CDH8: variants seen among roughly 807,000 people sequenced by gnomAD.
CDH8 encodes the protein cadherin 8.
A neutral mutation model predicts 68.1 loss-of-function variants in CDH8; 17 were observed. The observed-to-expected ratio is 0.25, with a 90% CI of 0.17 to 0.37. The LOEUF is 0.37. Ranked by LOEUF, CDH8 falls within the 10% of genes least tolerant of loss-of-function variation. CDH8 has a pLI of 1.00. For synonymous variants in CDH8, 372 were observed against 365.1 expected, an observed-to-expected ratio of 1.02 and a Z score of -0.21; for missense variants, 763 against 999.3, an observed-to-expected ratio of 0.76 and a Z score of 3.19.
At chr16:61,686,377 G>T (rs1351808143) in intron 10 of CDH8, among the ~76,000 whole-genome samples, 2 of 151,924 alleles carry the variant, frequency 1.3e-5, no homozygotes, top group African/African-American at 4.8e-5. Context: ...TATCCATTTA[G>T]TTTTGCCTGT....
intron 9 of CDH8, among the ~76,000 whole-genome samples, chr16:61,715,411 C>A (rs1033983639): frequency 6.6e-5 from 10 of 151,510 alleles, no homozygotes; most frequent in Non-Finnish European, 1.2e-4. Flanking sequence ...TCTGAAACTT[C>A]AATTTCTTGT....
chr16:61,768,089 T>C (rs1015429543), intron 8 of CDH8, among the ~76,000 whole-genome samples: 8 of 151,962 alleles, frequency 5.3e-5, no homozygotes, highest in African/African-American at 1.4e-4. Context: ...GTAGCTGTTA[T>C]TATTATGGTT....
intron 4 of CDH8, among the ~76,000 whole-genome samples, chr16:61,832,942 C>A (rs962988871): frequency 2.0e-5 from 3 of 151,606 alleles, no homozygotes; most frequent in Non-Finnish European, 2.9e-5. Flanking sequence ...ATTGTCCCCC[C>A]CTTTTTTCAT....
In CDH8 at chr16:61,783,146, G is replaced by A. The variant is rs1375385657; in HGVS notation, c.1414+6200C>T. Among the ~76,000 whole-genome samples, 19 of 140,706 alleles carry A rather than the reference G, an allele frequency of 1.4e-4. No individual in the cohort carries two copies. The East Asian group carries it at 3.3e-3, about 24-fold the overall frequency. 92.3% of individuals were successfully genotyped at this position (140,706 alleles called of 152,430 possible). On this transcript the variant is annotated intron_variant, in intron 8 of 11. Transcript: ENST00000577390. ...AGACGATCAAATTACTCTGAGCTAC[G>A]GGAGGACATTCAAACCAAAGGCAAA...
intron 10 of CDH8, among the ~76,000 whole-genome samples, chr16:61,689,244 G>A (rs933954235): frequency 2.0e-5 from 3 of 151,982 alleles, no homozygotes; most frequent in African/African-American, 7.2e-5. Flanking sequence ...AATGATTCCA[G>A]TTTGAATTTA....
chr16:61,945,810 A>G (rs539123920), intron 2 of CDH8, among the ~76,000 whole-genome samples: 1 of 152,206 alleles, frequency 6.6e-6, no homozygotes, highest in Non-Finnish European at 1.5e-5. Context: ...TTTACAGGGA[A>G]CTAGGCTTTC....
intron 7 of CDH8, among the ~76,000 whole-genome samples, chr16:61,800,529 T>G (rs1049132517): frequency 6.6e-6 from 1 of 152,184 alleles, no homozygotes; most frequent in Non-Finnish European, 1.5e-5. Context: ...ACTAAATATA[T>G]TTTCCATGAC....
intron 4 of CDH8, among the ~76,000 whole-genome samples, chr16:61,850,367 C>A (rs1358813768): frequency 6.6e-6 from 1 of 151,844 alleles, no homozygotes; most frequent in East Asian, 1.9e-4. Flanking sequence ...CCGCCATGAC[C>A]CAAACACCTC....
intron 8 of CDH8, among the ~76,000 whole-genome samples, chr16:61,757,198 T>G (rs887634159): frequency 2.0e-5 from 3 of 152,164 alleles, no homozygotes. Context: ...CACAGTGGGT[T>G]AGACTGCAAA....
intron 1 of CDH8, among the ~76,000 whole-genome samples, chr16:62,024,365 G>A (rs1298700410): frequency 6.6e-6 from 1 of 152,132 alleles, no homozygotes; most frequent in South Asian, 2.1e-4. Flanking sequence ...GGATAGACTA[G>A]CATGCACAGT....
At chr16:61,966,601 G>T (rs1219391508) in intron 2 of CDH8, among the ~76,000 whole-genome samples, 10 of 152,004 alleles carry the variant, frequency 6.6e-5, no homozygotes. Flanking sequence ...CACACACAGA[G>T]TAGTTCCCTA....
chr16:61,782,356 A>C (rs537503748), intron 8 of CDH8, among the ~76,000 whole-genome samples: 23 of 151,380 alleles, frequency 1.5e-4, no homozygotes, highest in South Asian at 1.5e-3. Flanking sequence ...GGGTCACTCC[A>C]ACCCGAATAT....
chr16:61,909,882 CT>C (rs1964129640), intron 2 of CDH8, among the ~76,000 whole-genome samples: 1 of 152,106 alleles, frequency 6.6e-6, no homozygotes, highest in Non-Finnish European at 1.5e-5. Context: ...GGCTGGCAAG[CT>C]TTTTCCCAGG....
At chr16:61,809,464 GGACAAA>G (rs911356691) in intron 7 of CDH8, among the ~76,000 whole-genome samples, 1 of 152,080 alleles carries the variant, frequency 6.6e-6, no homozygotes, top group Non-Finnish European at 1.5e-5. Flanking sequence ...GAGAGCATTA[GGACAAA>G]TACCTAATGC....
intron 2 of CDH8, among the ~76,000 whole-genome samples, chr16:62,000,799 A>G (rs1054040423): frequency 6.6e-6 from 1 of 152,220 alleles, no homozygotes; most frequent in Admixed American, 6.5e-5. Flanking sequence ...TGTAATATCA[A>G]ATTCAAATTT....
At chr16:61,915,086 C>T (rs1964218001) in intron 2 of CDH8, among the ~76,000 whole-genome samples, 1 of 152,094 alleles carries the variant, frequency 6.6e-6, no homozygotes, top group South Asian at 2.1e-4. Flanking sequence ...ACCTTGTATC[C>T]TTTCTAATTG....
rs551821423 is a variant in CDH8, at chr16:62,021,431, G to C, written c.-28C>G. 3 of 1,575,030 alleles carry C rather than the reference G, an allele frequency of 1.9e-6. No homozygotes were observed. In the African/African-American group the frequency reaches 4.1e-5, roughly 22 times the overall value. Reference sequence around the variant, plus strand: ...TCCCACCAGTTAAGCAAATCACCACGAAAATGAGACAATTATTTTTTTTGT... The same window carrying C: ...TCCCACCAGTTAAGCAAATCACCACCAAAATGAGACAATTATTTTTTTTGT... On this transcript the variant is annotated 5_prime_UTR_variant, in exon 2 of 12. Coordinates refer to ENST00000577390, the MANE Select transcript of CDH8 (RefSeq NM_001796.5).
chr16:61,980,647 T>G (rs553215638), intron 2 of CDH8, among the ~76,000 whole-genome samples: 1 of 152,314 alleles, frequency 6.6e-6, no homozygotes, highest in East Asian at 1.9e-4. Context: ...TTACATTCCT[T>G]TATTTACATA....
intron 8 of CDH8, among the ~76,000 whole-genome samples, chr16:61,748,282 G>A (rs4368158): frequency 0.033 from 4,953 of 151,864 alleles, 280 homozygotes; most frequent in East Asian, 0.22. Context: ...CTTATTTTCA[G>A]GCACCATGAT....
Sources: gnomAD v4.1 joint callset for allele counts (sites outside exome capture counted in the v4.1 genomes callset) on GRCh38, gnomAD v4.1.1 for gene constraint, MANE v1.5 for transcripts, NCBI Gene and HGNC (gene_info 2026-07-23, HGNC 2026-07-21) for gene names.